Variants in PCDHA7 observed in about 807,000 individuals in gnomAD.
The protein encoded by PCDHA7 is protocadherin alpha 7.
Under a neutral mutation model 57.2 loss-of-function variants are expected in PCDHA7, and 37 were observed. That is an observed-to-expected ratio of 0.65 (90% CI 0.50 to 0.85). The LOEUF (loss-of-function observed/expected upper bound fraction) is 0.85, where lower values mean the gene tolerates loss of function less well. Among genes scored for constraint, PCDHA7 ranks in the 40% least tolerant of loss-of-function variants. The probability of loss-of-function intolerance (pLI) is 0.00; values close to 1 mark genes in which losing one functional copy is unlikely to be tolerated. For missense variants in PCDHA7, 1,188 were observed against 1,241.8 expected (o/e 0.96, Z 0.65); for synonymous variants, 553 against 558.8 (o/e 0.99, Z 0.15).
At chr5:140,926,888 G>A in intron 1 of PCDHA7, 1 of 1,544,494 alleles carries the variant, frequency 6.5e-7, no homozygotes, top group Non-Finnish European at 8.7e-7. Flanking sequence ...ACGCCTAGAG[G>A]GAGGATGGTG....
intron 1 of PCDHA7, chr5:140,930,358 T>G (rs1253370170): frequency 6.6e-6 from 1 of 152,216 alleles, no homozygotes; most frequent in Non-Finnish European, 1.5e-5. Context: ...AATATTTCAA[T>G]TTATCTGTTA....
chr5:140,876,206 C>A, intron 1 of PCDHA7: 1 of 1,613,864 alleles, frequency 6.2e-7, no homozygotes, highest in Non-Finnish European at 8.5e-7. Flanking sequence ...TTTGATAAGC[C>A]CAGCTATAAA....
chr5:140,882,071 A>T (rs2058936449), intron 1 of PCDHA7: 4 of 864,074 alleles, frequency 4.6e-6, no homozygotes, highest in Admixed American at 2.9e-5. Context: ...GTTCATGCGC[A>T]TGGTGTCGCT....
chr5:140,991,227 A>G (rs1172819040), intron 3 of PCDHA7, among the ~76,000 whole-genome samples: 2 of 152,224 alleles, frequency 1.3e-5, no homozygotes, highest in African/African-American at 4.8e-5. Flanking sequence ...TCATTAATAA[A>G]TGCAGTGGTA....
intron 1 of PCDHA7, chr5:140,869,033 T>C (rs1161601594): frequency 6.5e-7 from 1 of 1,527,194 alleles, no homozygotes; most frequent in East Asian, 2.3e-5. Flanking sequence ...AACGAGATTT[T>C]TAACCTGAAA....
At chr5:140,960,306 A>G (rs1554224657) in intron 1 of PCDHA7, among the ~76,000 whole-genome samples, 1 of 152,136 alleles carries the variant, frequency 6.6e-6, no homozygotes, top group African/African-American at 2.4e-5. Context: ...ATCAATACCA[A>G]CCTCATTAGG....
Position 140,843,438 on chromosome 5 carries a change from C to A in PCDHA7, c.2355+6700C>A, listed in dbSNP as rs2150359947. 1.3e-4 allele frequency: 208 copies of A among 1,596,096 alleles called. 21 individuals are homozygous for A. The South Asian group carries it at 1.5e-3, about 11-fold the overall frequency. Reference sequence around the variant, plus strand: ...GTGTACCTGATCATCGCCATCTGCGCGGTATCCAGCCTGCTGGTGCTCACG... The same window carrying A: ...GTGTACCTGATCATCGCCATCTGCGAGGTATCCAGCCTGCTGGTGCTCACG... On this transcript the variant is annotated intron_variant, in intron 1 of 3. Transcript: ENST00000525929.
chr5:140,969,040 A>G (rs1554231380), intron 1 of PCDHA7: 1 of 1,614,150 alleles, frequency 6.2e-7, no homozygotes. Context: ...AACTGTACAA[A>G]CAAGCCAACA....
At chr5:140,875,265 T>G in intron 1 of PCDHA7, 1 of 1,201,060 alleles carries the variant, frequency 8.3e-7, no homozygotes, top group Non-Finnish European at 1.1e-6. Context: ...GATGTCGCTC[T>G]ACACTCAGAA....
At chr5:140,867,855 G>A (rs1340065029) in intron 1 of PCDHA7, 1 of 152,094 alleles carries the variant, frequency 6.6e-6, no homozygotes, top group South Asian at 2.1e-4. Context: ...TAGTTGAATT[G>A]TTTGATTAAT....
rs558490430 is a variant in PCDHA7, at chr5:140,909,702, G to A, written c.2356-69247G>A. ...AGCCAATGTGGGGGTTCTGCTAGCT[G>A]CTAAGTATACCTATGCCAATTATGC... is the stretch of plus-strand genomic sequence containing the variant. On this transcript the variant is annotated intron_variant, in intron 1 of 3. Transcript: ENST00000525929. Among the ~76,000 whole-genome samples the A allele has an allele frequency of 3.3e-5, 5 of 152,302 alleles. No individual in the cohort carries two copies. In the East Asian group the frequency reaches 9.6e-4, roughly 29 times the overall value.
In PCDHA7 at chr5:140,853,662, T is replaced by C. The variant is rs1319921056; in HGVS notation, c.2355+16924T>C. The C allele has an allele frequency of 3.4e-5, 34 of 988,522 alleles. 1 individual carries two copies. In the African/African-American group the frequency reaches 3.9e-4, roughly 11 times the overall value. 61.2% of individuals were successfully genotyped at this position (988,522 alleles called of 1,614,324 possible). ...CTAAATTGAGCCTGTTCCAGACAAA[T>C]TGGGGCCTATGGTCAACCTATCCTT... On this transcript the variant is annotated intron_variant, in intron 1 of 3. Coordinates refer to ENST00000525929, the MANE Select transcript of PCDHA7 (RefSeq NM_018910.3).
chr5:140,884,445 C>G, intron 1 of PCDHA7: 1 of 1,613,802 alleles, frequency 6.2e-7, no homozygotes, highest in Non-Finnish European at 8.5e-7. Flanking sequence ...TGCTCGGCAC[C>G]GCCCACCGAG....
At chr5:140,956,622 C>T (rs1438482570) in intron 1 of PCDHA7, among the ~76,000 whole-genome samples, 2 of 152,008 alleles carry the variant, frequency 1.3e-5, no homozygotes, top group African/African-American at 4.8e-5. Context: ...CTTTTTGTTG[C>T]ATCTCTGCCA....
intron 1 of PCDHA7, chr5:140,928,383 G>T (rs1474490422): frequency 2.5e-6 from 4 of 1,613,920 alleles, no homozygotes; most frequent in South Asian, 1.1e-5. Context: ...CCTCTAGCTT[G>T]CTGGCAGTGG....
intron 1 of PCDHA7, chr5:140,870,971 T>TG (rs782370379): frequency 3.7e-6 from 6 of 1,613,594 alleles, no homozygotes; most frequent in Non-Finnish European, 5.1e-6. Context: ...CCGTTCCGCG[T>TG]GGGGCTGTAC....
intron 1 of PCDHA7, chr5:140,882,874 A>G (rs376046205): frequency 1.9e-6 from 3 of 1,614,108 alleles, no homozygotes; most frequent in Non-Finnish European, 2.5e-6. Context: ...CACTGGACAG[A>G]GAGGAAATTC....
chr5:140,979,090 C>A, intron 2 of PCDHA7, 83 bp downstream of exon 2: 1 of 1,557,284 alleles, frequency 6.4e-7, no homozygotes, highest in Non-Finnish European at 8.7e-7. Flanking sequence ...AGGCCAGAAG[C>A]AGCTGTCAAA....
At chr5:140,859,461 A>G (rs1394799940) in intron 1 of PCDHA7, 1 of 216,144 alleles carries the variant, frequency 4.6e-6, no homozygotes, top group Non-Finnish European at 9.0e-6. Flanking sequence ...TGACAAAACT[A>G]CACTATCAAT....
Sources: allele counts gnomAD v4.1 joint callset (sites outside exome capture counted in the v4.1 genomes callset), GRCh38; gene constraint gnomAD v4.1.1; transcripts MANE v1.5; gene names NCBI Gene and HGNC (gene_info 2026-07-23, HGNC 2026-07-21).